The following IQSEC2 variants were observed in gnomAD, a reference collection of about 807,000 sequenced individuals.
The protein encoded by IQSEC2 is IQ motif and SEC7 domain-containing protein 2.
IQSEC2 carries 6 observed loss-of-function variants against 74.6 expected under a neutral mutation model. That is an observed-to-expected ratio of 0.08 (90% confidence interval 0.04 to 0.16). The LOEUF (loss-of-function observed/expected upper bound fraction) is 0.16. IQSEC2 is among the 10% of genes least tolerant of loss of function. The pLI is 1.00. For synonymous variants in IQSEC2, 494 were observed against 544.5 expected, an observed-to-expected ratio of 0.91 and a Z score of 1.29; for missense variants, 734 against 1,306.2, an observed-to-expected ratio of 0.56 and a Z score of 6.75.
chrX:53,288,983 T>C (rs1305706759), intron 2 of IQSEC2, among the ~76,000 whole-genome samples: 1 of 103,979 alleles, frequency 9.6e-6, no homozygotes, highest in African/African-American at 3.5e-5. Context: ...TCACCAACTG[T>C]TCAGCTCTAA....
At chrX:53,227,923 G>C (rs916285888), downstream of IQSEC2, 1 of 114,261 alleles carries the variant, frequency 8.8e-6, no homozygotes, top group African/African-American at 3.2e-5. Flanking sequence ...GAATTTATTC[G>C]TTTACAAATA....
intron 1 of IQSEC2, among the ~76,000 whole-genome samples, chrX:53,307,732 C>A (rs1406162858): frequency 9.5e-6 from 1 of 105,053 alleles, no homozygotes; most frequent in Non-Finnish European, 1.9e-5. Context: ...TGGTGAAACC[C>A]CATCTCTACT....
chrX:53,227,450 C>T, downstream of IQSEC2: 1 of 281,174 alleles, frequency 3.6e-6, no homozygotes, highest in Non-Finnish European at 6.3e-6. Context: ...TGTCGTTTGC[C>T]CTCACCAGGA....
intron 1 of IQSEC2, among the ~76,000 whole-genome samples, chrX:53,298,234 T>C (rs1419233079): frequency 7.2e-5 from 8 of 111,392 alleles, no homozygotes; most frequent in African/African-American, 2.6e-4. Context: ...GCTTTTTTTT[T>C]CCTTTCTTTT....
At chrX:53,295,013 G>A (rs1257129810) in intron 1 of IQSEC2, among the ~76,000 whole-genome samples, 1 of 110,945 alleles carries the variant, frequency 9.0e-6, no homozygotes, top group Admixed American at 9.6e-5. Context: ...AATAGAGACA[G>A]GGTTTCGCCA....
chrX:53,271,735 T>A (rs2074747717), intron 2 of IQSEC2, among the ~76,000 whole-genome samples: 1 of 111,718 alleles, frequency 9.0e-6, no homozygotes, highest in Non-Finnish European at 1.9e-5. Flanking sequence ...CCATTTTTCA[T>A]ACTGACTGCT....
chrX:53,251,347 G>A (rs1324574837), intron 4 of IQSEC2, among the ~76,000 whole-genome samples, 173 bp from the exon 5 acceptor site: 1 of 110,558 alleles, frequency 9.0e-6, no homozygotes, highest in East Asian at 2.8e-4. Flanking sequence ...GCTCTCTGTG[G>A]TCTGTAAAAT....
chrX:53,247,521 T>C (rs180732932), intron 7 of IQSEC2, among the ~76,000 whole-genome samples: 37 of 111,887 alleles, frequency 3.3e-4, no homozygotes, highest in African/African-American at 1.2e-3. Flanking sequence ...CCTTCCCCCA[T>C]TGTGGGAAAC....
intron 2 of IQSEC2, among the ~76,000 whole-genome samples, chrX:53,282,855 G>A (rs2074986927): frequency 9.2e-6 from 1 of 108,649 alleles, no homozygotes; most frequent in African/African-American, 3.4e-5. Flanking sequence ...TGTAGTTATT[G>A]CCCTAAGAGC....
rs2074352656 is a variant in IQSEC2 at position 53,249,434 on chromosome X, CA to C, written c.2298-553del. ...AGAACCCCAGAACCTTAGGACCCCA[CA>C]AGGTTAAAATTTGGAAGGGACTGAT... On this transcript the variant is annotated intron_variant, in intron 5 of 14. Transcript: ENST00000642864. Among the ~76,000 whole-genome samples the C allele has an allele frequency of 2.7e-5, 3 of 111,625 alleles. No homozygotes were observed. The Admixed American group carries it at 2.9e-4, about 11-fold the overall frequency.
Position 53,282,202 on chromosome X carries a change from G to A in IQSEC2, c.737+9693C>T, listed in dbSNP as rs782131685. 4.4e-5 allele frequency among the ~76,000 whole-genome samples: 5 copies of A among 112,662 alleles called. No homozygotes were observed. The South Asian group carries it at 1.5e-3, about 33-fold the overall frequency. ...CTGGCTGAGAGAAATGCTTCCTGAA[G>A]AGAAGAGGGAAAATCAAAAGAAATG... is the stretch of plus-strand genomic sequence containing the variant. On this transcript the variant is annotated intron_variant, in intron 2 of 14. Transcript: ENST00000642864.
intron 1 of IQSEC2, among the ~76,000 whole-genome samples, chrX:53,313,258 G>A (rs968505154): frequency 8.9e-6 from 1 of 111,864 alleles, no homozygotes; most frequent in Non-Finnish European, 1.9e-5. Context: ...AGGGAGGTAG[G>A]GGGCTGGCAA....
chrX:53,314,982 G>A (rs1447441281), intron 1 of IQSEC2, among the ~76,000 whole-genome samples: 4 of 111,902 alleles, frequency 3.6e-5, no homozygotes, highest in South Asian at 7.4e-4. Context: ...GCCCACCTGC[G>A]GGAGGCAGCG....
intron 8 of IQSEC2, among the ~76,000 whole-genome samples, chrX:53,244,945 A>C (rs1392681848): frequency 9.1e-6 from 1 of 110,294 alleles, no homozygotes; most frequent in Non-Finnish European, 1.9e-5. Context: ...TTACACATAC[A>C]CACACACACA....
In IQSEC2 at chrX:53,254,713, G is replaced by A; in HGVS notation, c.1218C>T (p.Phe406=). 4.1e-6 allele frequency: 5 copies of A among 1,207,181 alleles called. No individual in the cohort carries two copies. The highest frequency in any genetic ancestry group is 2.2e-5 in the Admixed American group (1 of 45,396). The change falls in exon 4 of 15, where the codon TTC becomes TTT. Residue 406 remains phenylalanine, a synonymous_variant. Coordinates refer to ENST00000642864, the MANE Select transcript of IQSEC2 (RefSeq NM_001111125.3). The stretch of plus-strand genomic sequence containing the variant: ...CGTCCAGCGAGGCAGGCTTGCCCTC[G>A]AAGTACGCGGGGTTCTGTGCCTTCT... ...EYEKAQNPAY[F]EGKPASLDEG... is the part of the protein sequence containing the mutation.
At position 53,252,112 on chromosome X, in the gene IQSEC2, G is replaced by A. The variant is rs190187575; in HGVS notation, c.1402-938C>T. On this transcript the variant is annotated intron_variant, in intron 4 of 14. Transcript: ENST00000642864. ...GAGTCTTGCTCTCACCCAGGCTGGA[G>A]TGCAGTGGCACGATCTCACCTCACT... 7.4e-3 allele frequency among the ~76,000 whole-genome samples: 831 copies of A among 112,338 alleles called. 11 individuals are homozygous for A. Among genetic ancestry groups the A allele is most frequent in the African/African-American group, 0.026 (801 of 30,927 alleles).
chrX:53,271,211 C>T (rs1258715627), intron 2 of IQSEC2, among the ~76,000 whole-genome samples: 1 of 111,692 alleles, frequency 9.0e-6, no homozygotes, highest in Non-Finnish European at 1.9e-5. Context: ...TCCTCATGGA[C>T]CTTGAATGAC....
At chrX:53,243,618 G>T in intron 8 of IQSEC2, 147 bp from the exon 9 acceptor site, 1 of 836,495 alleles carries the variant, frequency 1.2e-6, no homozygotes, top group Non-Finnish European at 1.6e-6. Context: ...CCAGGATTGG[G>T]GCAGGGAGGG....
chrX:53,248,825 C>G lies in IQSEC2; in HGVS notation c.2355G>C (p.Pro785=). The G allele has an allele frequency of 8.3e-7, 1 of 1,211,179 alleles. No individual in the cohort carries two copies. The highest frequency in any genetic ancestry group is 1.8e-5 in the South Asian group (1 of 56,958). ...LIERGFLSDT[P]VGVAHFILER... The stretch of plus-strand genomic sequence containing the variant: ...CCAGGATGAAGTGAGCCACTCCCAC[C>G]GGTGTGTCTGACAGGAAGCCCCGCT... The change falls in exon 6 of 15, where the codon CCG becomes CCC. Residue 785 remains proline (P), a synonymous_variant. Coordinates refer to ENST00000642864, the MANE Select transcript of IQSEC2 (RefSeq NM_001111125.3).
Sources: allele counts gnomAD v4.1 joint callset (sites outside exome capture counted in the v4.1 genomes callset), GRCh38; gene constraint gnomAD v4.1.1; transcripts MANE v1.5; gene names NCBI Gene and HGNC (gene_info 2026-07-23, HGNC 2026-07-21).